The following EHBP1 variants were observed in gnomAD, a reference collection of about 807,000 sequenced individuals.
EHBP1 encodes EH domain-binding protein 1.
A neutral mutation model predicts 144.0 loss-of-function variants in EHBP1; 55 were observed. That is an observed-to-expected ratio of 0.38 (90% CI 0.31 to 0.48). The LOEUF (loss-of-function observed/expected upper bound fraction) is 0.48, where lower values mean the gene tolerates loss of function less well. EHBP1 is among the 20% of genes least tolerant of loss of function. The probability of loss-of-function intolerance (pLI) is 0.98; values close to 1 mark genes in which losing one functional copy is unlikely to be tolerated. For synonymous variants in EHBP1, 469 were observed against 472.7 expected, an observed-to-expected ratio of 0.99 and a Z score of 0.10; for missense variants, 1,200 against 1,364.2, an observed-to-expected ratio of 0.88 and a Z score of 1.90.
chr2:62,965,041 A>G (rs1176741128), intron 14 of EHBP1: 1 of 152,604 alleles, frequency 6.6e-6, no homozygotes, highest in African/African-American at 2.4e-5. Flanking sequence ...ATACCAGGTG[A>G]GCTTCCTTGT....
intron 19 of EHBP1, among the ~76,000 whole-genome samples, chr2:63,036,755 A>T (rs767616090): frequency 6.6e-6 from 1 of 152,004 alleles, no homozygotes; most frequent in Non-Finnish European, 1.5e-5. Context: ...CATATACTAT[A>T]TTATAATCCT....
rs573121968 is a variant in EHBP1 at position 62,689,266 on chromosome 2, A to G, written c.-296+15183A>G. On this transcript the variant is annotated intron_variant, in intron 1 of 22. Coordinates refer to the EHBP1 transcript ENST00000405015. ...GTATGTATAACCTAAATAGAGAAAA[A>G]ATCAAATATGACAGAAATAAAAGGA... 2.8e-4 allele frequency among the ~76,000 whole-genome samples: 42 copies of G among 152,350 alleles called. 1 individual carries two copies. The South Asian group carries it at 8.1e-3, about 29-fold the overall frequency.
At chr2:62,713,520 A>G (rs980328384) in intron 2 of EHBP1, among the ~76,000 whole-genome samples, 3 of 152,146 alleles carry the variant, frequency 2.0e-5, no homozygotes, top group African/African-American at 7.2e-5. Flanking sequence ...CTGGGATTAC[A>G]GGTCTGAGCC....
intron 1 of EHBP1, among the ~76,000 whole-genome samples, chr2:62,677,395 G>A (rs547951244): frequency 1.3e-5 from 2 of 151,960 alleles, no homozygotes; most frequent in Non-Finnish European, 2.9e-5. Flanking sequence ...GTAAATATGT[G>A]TGGGTTACAT....
intron 12 of EHBP1, among the ~76,000 whole-genome samples, chr2:62,946,313 C>G (rs999461604): frequency 6.6e-6 from 1 of 152,150 alleles, no homozygotes; most frequent in Non-Finnish European, 1.5e-5. Context: ...ATACAGAAGA[C>G]TGTCCCATTA....
chr2:62,911,425 T>C (rs1407317417), intron 10 of EHBP1, among the ~76,000 whole-genome samples: 12 of 152,160 alleles, frequency 7.9e-5, no homozygotes, highest in Non-Finnish European at 1.8e-4. Flanking sequence ...TCTTGGTTAT[T>C]TTTTTAACTT....
At chr2:62,793,332 A>C (rs1488823237) in intron 5 of EHBP1, among the ~76,000 whole-genome samples, 1 of 151,960 alleles carries the variant, frequency 6.6e-6, no homozygotes, top group Admixed American at 6.6e-5. Flanking sequence ...CTTTGAGGGG[A>C]CCTCCATTTC....
chr2:62,898,664 C>T (rs2053145795), intron 10 of EHBP1, among the ~76,000 whole-genome samples: 1 of 151,908 alleles, frequency 6.6e-6, no homozygotes, highest in Admixed American at 6.6e-5. Context: ...ATCCTTAGAG[C>T]CTAGCATTGG....
intron 21 of EHBP1, among the ~76,000 whole-genome samples, chr2:63,039,758 G>T (rs1339645736): frequency 6.6e-6 from 1 of 152,078 alleles, no homozygotes; most frequent in Non-Finnish European, 1.5e-5. Flanking sequence ...TCACCAAAGT[G>T]CATGCTATTT....
At chr2:63,022,674 T>C (rs2060807239) in intron 19 of EHBP1, among the ~76,000 whole-genome samples, 1 of 152,184 alleles carries the variant, frequency 6.6e-6, no homozygotes, top group Non-Finnish European at 1.5e-5. Context: ...AGTTACTCAT[T>C]ATGTTTTTAA....
Position 62,948,463 on chromosome 2 carries a change from T to C in EHBP1, c.1617T>C (p.Asp539=), listed in dbSNP as rs1010453678. Residue 539 remains aspartate (D), a synonymous_variant, in exon 13 of 23, where the codon GAT becomes GAC. Coordinates refer to ENST00000431489, the MANE Select transcript of EHBP1 (RefSeq NM_001142616.3). ...ATAAAGTTGGAAACTATGAAACAGA[T>C]ACAAACAGTTCTGTTGATCAAGAAA... ...STYKVGNYET[D]TNSSVDQEKF... The C allele has an allele frequency of 1.5e-5, 24 of 1,613,286 alleles. No individual in the cohort carries two copies. The highest frequency in any genetic ancestry group is 1.9e-5 in the Non-Finnish European group (22 of 1,179,516).
intron 14 of EHBP1, among the ~76,000 whole-genome samples, chr2:62,968,823 G>A (rs1304630320): frequency 6.6e-6 from 1 of 152,178 alleles, no homozygotes; most frequent in East Asian, 1.9e-4. Context: ...GTGCCAGTCT[G>A]ACTGGCTTCT....
intron 15 of EHBP1, among the ~76,000 whole-genome samples, chr2:62,985,366 A>G (rs1267419913): frequency 6.6e-6 from 1 of 152,196 alleles, no homozygotes; most frequent in East Asian, 1.9e-4. Context: ...CTAACTTATA[A>G]AAGACATAAG....
intron 5 of EHBP1, among the ~76,000 whole-genome samples, chr2:62,798,531 G>T (rs938861126): frequency 6.6e-6 from 1 of 152,092 alleles, no homozygotes; most frequent in Admixed American, 6.5e-5. Context: ...TGAGAAAGTC[G>T]ATGAACTTGG....
chr2:62,837,860 A>G (rs2047419596), intron 7 of EHBP1, among the ~76,000 whole-genome samples: 1 of 150,746 alleles, frequency 6.6e-6, no homozygotes, highest in African/African-American at 2.4e-5. Context: ...GTGACCTACA[A>G]AGAGACTTAG....
intron 21 of EHBP1, among the ~76,000 whole-genome samples, chr2:63,039,607 C>T (rs2061580027): frequency 6.6e-6 from 1 of 152,008 alleles, no homozygotes; most frequent in Admixed American, 6.6e-5. Context: ...CATTGACTGT[C>T]CATGGTAATT....
chr2:62,776,481 A>G (rs2042061239), intron 5 of EHBP1, among the ~76,000 whole-genome samples: 1 of 152,232 alleles, frequency 6.6e-6, no homozygotes, highest in South Asian at 2.1e-4. Context: ...ACACAGAAGA[A>G]TATAAAGGAA....
chr2:62,747,281 A>G (rs888273055), intron 2 of EHBP1, 114 bp from the exon 3 acceptor site: 17 of 787,602 alleles, frequency 2.2e-5, no homozygotes, highest in African/African-American at 3.6e-5. Context: ...TTATTGTAAC[A>G]GTAGCTGCTT....
At chr2:62,750,796 G>T (rs937276834) in intron 3 of EHBP1, among the ~76,000 whole-genome samples, 1 of 152,134 alleles carries the variant, frequency 6.6e-6, no homozygotes, top group Non-Finnish European at 1.5e-5. Flanking sequence ...TCTGTTATTG[G>T]TGTATAAGAA....
Sources: allele counts gnomAD v4.1 joint callset (sites outside exome capture counted in the v4.1 genomes callset), GRCh38; gene constraint gnomAD v4.1.1; transcripts MANE v1.5; gene names NCBI Gene and HGNC (gene_info 2026-07-23, HGNC 2026-07-21).